Variants in NIT2 observed in about 807,000 individuals in gnomAD.
NIT2 encodes the protein omega-amidase NIT2.
NIT2 carries 46 observed loss-of-function variants against 42.7 expected under a neutral mutation model. The ratio of observed to expected loss-of-function variants is 1.08; its 90% confidence interval spans 0.85 to 1.38. NIT2 has a LOEUF of 1.38. Ranked by LOEUF, NIT2 falls within the 40% of genes most tolerant of loss-of-function variation. The pLI, the probability that NIT2 is intolerant of heterozygous loss-of-function variation, is 0.00. For missense variants in NIT2, 309 were observed against 342.5 expected, an observed-to-expected ratio of 0.90 and a Z score of 0.77; for synonymous variants, 123 against 121.9, an observed-to-expected ratio of 1.01 and a Z score of -0.06.
chr3:100,344,094 A>G lies in NIT2; in HGVS notation c.337-1491A>G, dbSNP rs1706185048. 2.0e-5 allele frequency among the ~76,000 whole-genome samples: 3 copies of G among 152,264 alleles called. No individual in the cohort carries two copies. In the South Asian group the frequency reaches 6.2e-4, roughly 32 times the overall value. The stretch of plus-strand genomic sequence containing the variant: ...AGATTTAGAAAGATTTTATATGCAG[A>G]ATTTAGGGCTCTCCCTCTTTGCTTT... On this transcript the variant is annotated intron_variant, in intron 4 of 9. Transcript: ENST00000394140.
chr3:100,350,113 C>T (rs1290668461), intron 7 of NIT2: 1 of 152,136 alleles, frequency 6.6e-6, no homozygotes, highest in Admixed American at 6.6e-5. Flanking sequence ...TAGTACTCCT[C>T]CCTCTGCCTA....
At position 100,339,813 on chromosome 3, in the gene NIT2, A is replaced by T. The variant is rs754501569; in HGVS notation, c.127-2A>T. ...TTTTTTTCTCTGCCAATATTTTTCT[A>T]GGAATGCTTTAATTCTCCATATGGA... On this transcript the variant is annotated splice_acceptor_variant, in intron 2 of 9. Transcript: ENST00000394140. LOFTEE classifies it high-confidence loss of function. The T allele has an allele frequency of 2.5e-6, 4 of 1,595,590 alleles. No homozygotes were observed. In the African/African-American group the frequency reaches 5.4e-5, roughly 22 times the overall value.
chr3:100,345,161 T>G (rs395399), intron 4 of NIT2, among the ~76,000 whole-genome samples: 60,110 of 150,250 alleles, frequency 0.4, 12,389 homozygotes, highest in East Asian at 0.75. Context: ...GTTTCACTAC[T>G]TTGGCCAGGC....
intron 1 of NIT2, among the ~76,000 whole-genome samples, chr3:100,335,507 G>C (rs1356674273): frequency 6.6e-6 from 1 of 152,232 alleles, no homozygotes; most frequent in Non-Finnish European, 1.5e-5. Context: ...TTACAGATGA[G>C]ATGGAGTGAC....
chr3:100,340,004 C>T (rs574294204), intron 3 of NIT2, 69 bp downstream of exon 3: 20 of 1,363,606 alleles, frequency 1.5e-5, no homozygotes, highest in South Asian at 5.7e-5. Context: ...GGTGTGGTGG[C>T]GTGCGCCTGT....
At chr3:100,348,740 G>A in intron 6 of NIT2, 63 bp from the exon 7 acceptor site, 1 of 1,300,890 alleles carries the variant, frequency 7.7e-7, no homozygotes, top group Non-Finnish European at 1.1e-6. Context: ...AGGAACAGTG[G>A]GGAGGACTGG....
At chr3:100,343,660 C>A (rs1053111896) in intron 4 of NIT2, among the ~76,000 whole-genome samples, 1 of 152,136 alleles carries the variant, frequency 6.6e-6, no homozygotes, top group African/African-American at 2.4e-5. Context: ...GCTTTAAAGT[C>A]TGATAATTAT....
At chr3:100,346,394 C>A in intron 6 of NIT2, 139 bp downstream of exon 6, 1 of 687,846 alleles carries the variant, frequency 1.5e-6, no homozygotes, top group Non-Finnish European at 2.5e-6. Flanking sequence ...CCCCATGAGG[C>A]TTCCCAGACT....
rs529724866 is a variant in NIT2 at position 100,338,927 on chromosome 3, A to G, written c.8-160A>G. On this transcript the variant is annotated intron_variant, in intron 1 of 9. Coordinates refer to ENST00000394140, the MANE Select transcript of NIT2 (RefSeq NM_020202.5). ...AGTATCCTTGGTCTCTATTCATTAG[A>G]TGCCACTCATACCTCATCAGTTGTG... 2.0e-5 allele frequency among the ~76,000 whole-genome samples: 3 copies of G among 152,250 alleles called. No individual in the cohort carries two copies. The East Asian group carries it at 5.8e-4, about 29-fold the overall frequency.
At chr3:100,344,791 A>G (rs1706194906) in intron 4 of NIT2, among the ~76,000 whole-genome samples, 1 of 151,544 alleles carries the variant, frequency 6.6e-6, no homozygotes, top group African/African-American at 2.4e-5. Context: ...GATTATAGGC[A>G]TGCACCACCA....
In NIT2 at chr3:100,341,163, T is replaced by A. The variant is rs763714092; in HGVS notation, c.336+2T>A. The A allele has an allele frequency of 6.2e-7, 1 of 1,604,564 alleles. No individual in the cohort carries two copies. The highest frequency in any genetic ancestry group is 8.5e-7 in the Non-Finnish European group (1 of 1,171,314). On this transcript the variant is annotated splice_donor_variant, in intron 4 of 9. Coordinates refer to ENST00000394140, the MANE Select transcript of NIT2 (RefSeq NM_020202.5). LOFTEE classifies it high-confidence loss of function. ...ACTTTACTAGCAAAGTATAGAAAGGTAAGTAGGAAGTGTGGCATAAGAATT... is the reference window on the plus strand; with the variant it reads ...ACTTTACTAGCAAAGTATAGAAAGGAAAGTAGGAAGTGTGGCATAAGAATT...
intron 7 of NIT2, 199 bp downstream of exon 7, chr3:100,349,080 A>ACCAACCTCAT (rs941562827): frequency 1.5e-5 from 7 of 474,050 alleles, no homozygotes; most frequent in Admixed American, 7.2e-5. Flanking sequence ...AAGCCACAAT[A>ACCAACCTCAT]CCAACCTCAT....
intron 3 of NIT2, among the ~76,000 whole-genome samples, chr3:100,340,823 C>T (rs1265494466): frequency 6.6e-6 from 1 of 151,916 alleles, no homozygotes; most frequent in African/African-American, 2.4e-5. Context: ...CATCTACACT[C>T]TGGAGTTTAT....
Position 100,356,518 on chromosome 3 carries a change from C to G in NIT2, c.*1250C>G, listed in dbSNP as rs1706326636. 6.6e-6 allele frequency: 1 copy of G among 152,128 alleles called. No individual in the cohort carries two copies. Among genetic ancestry groups the G allele is most frequent in the Admixed American group, 6.5e-5 (1 of 15,274 alleles). The allele number at this position is 152,128 out of a possible 1,614,324, so 9.4% of individuals were successfully genotyped here. On this transcript the variant is annotated 3_prime_UTR_variant, in exon 10 of 10. Transcript: ENST00000394140. Reference sequence around the variant, plus strand: ...AACACAAGATACATGAGCACACATTCCATTAGCTATTAAGGTGATGGACAC... The same window carrying G: ...AACACAAGATACATGAGCACACATTGCATTAGCTATTAAGGTGATGGACAC...
At chr3:100,352,988 A>AC (rs1263425394) in intron 8 of NIT2, among the ~76,000 whole-genome samples, 6 of 152,216 alleles carry the variant, frequency 3.9e-5, no homozygotes, top group Non-Finnish European at 5.9e-5. Context: ...GCATTTTATT[A>AC]CTCAGTGGAG....
At chr3:100,345,491 A>G in intron 4 of NIT2, 94 bp from the exon 5 acceptor site, 1 of 812,898 alleles carries the variant, frequency 1.2e-6, no homozygotes, top group Non-Finnish European at 2.1e-6. Flanking sequence ...TTAATCTTAG[A>G]GCACCTTCCG....
At chr3:100,347,329 C>A (rs1276250472) in intron 6 of NIT2, among the ~76,000 whole-genome samples, 2 of 152,224 alleles carry the variant, frequency 1.3e-5, no homozygotes, top group Non-Finnish European at 2.9e-5. Flanking sequence ...CTCCTGACTT[C>A]AGGTGATCTA....
At chr3:100,337,302 C>G (rs1317471929) in intron 1 of NIT2, among the ~76,000 whole-genome samples, 1 of 152,114 alleles carries the variant, frequency 6.6e-6, no homozygotes, top group Non-Finnish European at 1.5e-5. Context: ...CTAATAATTC[C>G]TGAAGTTTTG....
At position 100,359,487 on chromosome 3, in the gene NIT2, GGCAGATTCT is replaced by G. The variant is rs1706355144; in HGVS notation, c.*4222_*4230del. On this transcript the variant is annotated 3_prime_UTR_variant, in exon 10 of 10. Transcript: ENST00000394140. ...TTCAATTGCTTTTCAGACCCCGGCA[GGCAGATTCT>G]GCCCTCATCTGTCCAGTGACACTCT... The G allele has an allele frequency of 6.6e-6, 1 of 152,130 alleles. No individual in the cohort carries two copies. Among genetic ancestry groups the G allele is most frequent in the Non-Finnish European group, 1.5e-5 (1 of 68,046 alleles). The allele number at this position is 152,130 out of a possible 1,614,324, so 9.4% of individuals were successfully genotyped here.
Sources: allele counts gnomAD v4.1 joint callset (sites outside exome capture counted in the v4.1 genomes callset), GRCh38; gene constraint gnomAD v4.1.1; transcripts MANE v1.5; gene names NCBI Gene and HGNC (gene_info 2026-07-23, HGNC 2026-07-21).